Variants in NAP1L1 observed in about 807,000 individuals in gnomAD.
NAP1L1 encodes the protein nucleosome assembly protein 1 like 1.
NAP1L1 carries 9 observed loss-of-function variants against 58.9 expected under a neutral mutation model. The observed-to-expected ratio is 0.15, with a 90% confidence interval of 0.09 to 0.27. The LOEUF is 0.27. NAP1L1 is among the 10% of genes least tolerant of loss of function. The pLI is 1.00. For missense variants in NAP1L1, 302 were observed against 458.8 expected (o/e 0.66, Z 3.12); for synonymous variants, 130 against 138.3 (o/e 0.94, Z 0.42).
intron 7 of NAP1L1, 152 bp downstream of exon 7, chr12:76,055,881 A>T (rs1949063135): frequency 1.3e-6 from 1 of 785,166 alleles, no homozygotes; most frequent in Non-Finnish European, 2.1e-6. Context: ...ACATTAATCA[A>T]AGCTGTAATT....
chr12:76,057,995 TG>T, intron 6 of NAP1L1: 1 of 844,556 alleles, frequency 1.2e-6, no homozygotes, highest in Non-Finnish European at 2.1e-6. Context: ...AATTCTCCTG[TG>T]GTGCCTCAGT....
intron 8 of NAP1L1, 127 bp from the exon 9 acceptor site, chr12:76,054,036 A>C: frequency 1.8e-6 from 2 of 1,133,522 alleles, no homozygotes; most frequent in Admixed American, 2.6e-5. Context: ...TCTGAAATAC[A>C]ATCTTCTTTT....
At chr12:76,076,549 A>AAAATATATATATATAT in intron 1 of NAP1L1, among the ~76,000 whole-genome samples, 1 of 120,634 alleles carries the variant, frequency 8.3e-6, no homozygotes, top group South Asian at 2.9e-4. Context: ...TGGATATGGA[A>AAAATATATATATATAT]ATATATATAT....
chr12:76,048,964 G>A, intron 14 of NAP1L1: 1 of 535,958 alleles, frequency 1.9e-6, no homozygotes, highest in Admixed American at 3.4e-5. Flanking sequence ...AGGGTTCACT[G>A]TACCTGAAAC....
Position 76,047,638 on chromosome 12 carries a change from GCAAA to G in NAP1L1, c.*787_*790del, listed in dbSNP as rs1327691649. 2.0e-5 allele frequency: 3 copies of G among 151,786 alleles called. No individual in the cohort carries two copies. The highest frequency in any genetic ancestry group is 4.4e-5 in the Non-Finnish European group (3 of 67,848). The allele number at this position is 151,786 out of a possible 1,614,324, so 9.4% of individuals were successfully genotyped here. On this transcript the variant is annotated 3_prime_UTR_variant, in exon 15 of 15. Coordinates refer to ENST00000618691, the MANE Select transcript of NAP1L1 (RefSeq NM_004537.7). ...ATTTTAGCTGCAAAAACAAAAACAA[GCAAA>G]CAAACAACAAATAACTTGAAAATAG...
At chr12:76,074,165 C>T (rs1336983512) in intron 2 of NAP1L1, 38 bp downstream of exon 2, 1 of 1,497,982 alleles carries the variant, frequency 6.7e-7, no homozygotes, top group Non-Finnish European at 9.3e-7. Context: ...CAAAGTGATG[C>T]CAAATCTCTG....
At chr12:76,077,214 A>AAGACAGAACATTTAC (rs1175730273) in intron 1 of NAP1L1, among the ~76,000 whole-genome samples, 1 of 152,244 alleles carries the variant, frequency 6.6e-6, no homozygotes, top group Non-Finnish European at 1.5e-5. Flanking sequence ...AAGAGGATCC[A>AAGACAGAACATTTAC]AGACAGAACA....
rs755033455 is a variant in NAP1L1 at position 76,053,319 on chromosome 12, C to T, written c.802G>A (p.Val268Ile). The T allele has an allele frequency of 1.3e-5, 21 of 1,613,782 alleles. No homozygotes were observed. Among genetic ancestry groups the T allele is most frequent in the Non-Finnish European group, 1.7e-5 (20 of 1,179,884 alleles). ...CQIDWKKGKN[V>I]TLKTIKKKQK... The stretch of plus-strand genomic sequence containing the variant: ...TTCTTCTTAATAGTTTTCAAAGTGA[C>T]ATTCTTTCCTTTTTTCCAATCTATC... The change falls in exon 10 of 15, where the codon GTC becomes ATC. Residue 268 changes from valine (V) to isoleucine (I), a missense_variant. Coordinates refer to ENST00000618691, the MANE Select transcript of NAP1L1 (RefSeq NM_004537.7).
intron 2 of NAP1L1, among the ~76,000 whole-genome samples, chr12:76,069,458 C>G (rs1374110339): frequency 6.6e-6 from 1 of 152,158 alleles, no homozygotes; most frequent in African/African-American, 2.4e-5. Flanking sequence ...GTATCCTTAA[C>G]AGGATGGTAG....
chr12:76,056,681 AAG>A (rs1302809257), intron 6 of NAP1L1: 1 of 444,370 alleles, frequency 2.3e-6, no homozygotes, highest in Non-Finnish European at 4.5e-6. Flanking sequence ...GCCTACCATG[AAG>A]TTAAAAAAAA....
chr12:76,083,801 T>G (rs950430381), intron 1 of NAP1L1: 1 of 152,268 alleles, frequency 6.6e-6, no homozygotes, highest in Non-Finnish European at 1.5e-5. Flanking sequence ...AGGGAAGAGT[T>G]TGAAACCCAG....
At position 76,048,249 on chromosome 12, in the gene NAP1L1, G is replaced by A. The variant is rs1948666555; in HGVS notation, c.*180C>T. 1 of 578,382 alleles carries A rather than the reference G, an allele frequency of 1.7e-6. No homozygotes were observed. The highest frequency in any genetic ancestry group is 3.0e-6 in the Non-Finnish European group (1 of 336,388). 35.8% of individuals were successfully genotyped at this position (578,382 alleles called of 1,614,324 possible). On this transcript the variant is annotated 3_prime_UTR_variant, in exon 15 of 15. Coordinates refer to ENST00000618691, the MANE Select transcript of NAP1L1 (RefSeq NM_004537.7). ...ATTTGTGCATTCAACATAGCTGGCAGAAAAACTAGTTAAAATGCTAGGTAG... is the reference window on the plus strand; with the variant it reads ...ATTTGTGCATTCAACATAGCTGGCAAAAAAACTAGTTAAAATGCTAGGTAG...
rs543673987 is a variant in NAP1L1, at chr12:76,044,581, A to G, written c.*3848T>C. The G allele has an allele frequency of 5.9e-5, 9 of 152,300 alleles. No individual in the cohort carries two copies. The highest frequency in any genetic ancestry group is 2.1e-4 in the South Asian group (1 of 4,834). 9.4% of individuals were successfully genotyped at this position (152,300 alleles called of 1,614,324 possible). A position where few individuals can be genotyped will look rare whatever the true frequency, so the allele number is the denominator to read the frequency against. The stretch of plus-strand genomic sequence containing the variant: ...AAGCCCACTGTAAGTCAAAAATATC[A>G]TAAGTAGAAGATGTGTTTAATACTC... On this transcript the variant is annotated 3_prime_UTR_variant, in exon 15 of 15. Transcript: ENST00000618691.
At chr12:76,058,155 T>C (rs1227718999) in intron 6 of NAP1L1, 6 of 644,968 alleles carry the variant, frequency 9.3e-6, no homozygotes, top group Admixed American at 3.8e-5. Flanking sequence ...GTTAATGGCC[T>C]GAACTGACAG....
rs2136934170 is a variant in NAP1L1 at position 76,041,979 on chromosome 12, A to C, written c.*6450T>G. ...CCAAAGAAAGTAAACAGCATATGAAAACACATGTATTAAAATAAAACAAGA... is the reference window on the plus strand; with the variant it reads ...CCAAAGAAAGTAAACAGCATATGAACACACATGTATTAAAATAAAACAAGA... On this transcript the variant is annotated 3_prime_UTR_variant, in exon 15 of 15. Coordinates refer to ENST00000618691, the MANE Select transcript of NAP1L1 (RefSeq NM_004537.7). 6.6e-6 allele frequency: 1 copy of C among 152,338 alleles called. No individual in the cohort carries two copies. The highest frequency in any genetic ancestry group is 2.1e-4 in the South Asian group (1 of 4,824). 9.4% of individuals were successfully genotyped at this position (152,338 alleles called of 1,614,324 possible).
rs1455556401 is a variant in NAP1L1 at position 76,049,644 on chromosome 12, T to C, written c.1089+112A>G. 50 of 1,542,896 alleles carry C rather than the reference T, an allele frequency of 3.2e-5. No individual in the cohort carries two copies. In the East Asian group the frequency reaches 1.0e-3, roughly 31 times the overall value. On this transcript the variant is annotated intron_variant, in intron 13 of 14. Coordinates refer to ENST00000618691, the MANE Select transcript of NAP1L1 (RefSeq NM_004537.7). ...AATTCTAAAATCATGTTTTCCAAAA[T>C]GTTTTTATCCCAAATCACAGAATGA...
At chr12:76,068,108 TAC>T (rs1042681409) in intron 3 of NAP1L1, among the ~76,000 whole-genome samples, 99 of 152,338 alleles carry the variant, frequency 6.5e-4, no homozygotes, top group African/African-American at 2.2e-3. Context: ...TCATCATCAA[TAC>T]AGTTATTACA....
chr12:76,078,000 A>AC (rs1440540741), intron 1 of NAP1L1, among the ~76,000 whole-genome samples: 2 of 149,100 alleles, frequency 1.3e-5, no homozygotes, highest in African/African-American at 5.1e-5. Flanking sequence ...AAAAAAAAAA[A>AC]AGGAAAAGAA....
At chr12:76,076,590 A>ATATATATATATC (rs1555186511) in intron 1 of NAP1L1, among the ~76,000 whole-genome samples, 1 of 137,932 alleles carries the variant, frequency 7.2e-6, no homozygotes, top group African/African-American at 2.8e-5. Flanking sequence ...ATATATATAT[A>ATATATATATATC]TATCTCCACT....
Sources: gnomAD v4.1 joint callset for allele counts (sites outside exome capture counted in the v4.1 genomes callset) on GRCh38, gnomAD v4.1.1 for gene constraint, MANE v1.5 for transcripts, NCBI Gene and HGNC (gene_info 2026-07-23, HGNC 2026-07-21) for gene names.